The following RXFP1 variants were observed in gnomAD, a reference collection of about 807,000 sequenced individuals.
RXFP1 encodes relaxin family peptide receptor 1, also known as relaxin receptor 1.
In RXFP1, 73 loss-of-function variants were observed where a neutral mutation model predicts 89.8. That is an observed-to-expected ratio of 0.81 (90% CI 0.67 to 0.99). The LOEUF (loss-of-function observed/expected upper bound fraction) is 0.99, where lower values mean the gene tolerates loss of function less well. Among genes scored for constraint, RXFP1 ranks in the 50% least tolerant of loss-of-function variants. The pLI, the probability that RXFP1 is intolerant of heterozygous loss-of-function variation, is 0.00. For missense variants in RXFP1, 793 were observed against 895.5 expected (o/e 0.89, Z 1.46); for synonymous variants, 277 against 305.5 (o/e 0.91, Z 0.97).
chr4:158,559,105 G>A (rs1472416374), intron 1 of RXFP1, among the ~76,000 whole-genome samples: 1 of 152,140 alleles, frequency 6.6e-6, no homozygotes, highest in Non-Finnish European at 1.5e-5. Context: ...AAAGTTATAT[G>A]TGCCTTTACT....
intron 9 of RXFP1, among the ~76,000 whole-genome samples, chr4:158,623,508 A>AAAAAAAAAAAAAAAAAAAG: frequency 6.8e-6 from 1 of 148,006 alleles, no homozygotes; most frequent in Non-Finnish European, 1.5e-5. Flanking sequence ...ATCTCAAAAA[A>AAAAAAAAAAAAAAAAAAAG]AAAAAAAAAA....
chr4:158,624,238 G>A (rs1766253076), intron 9 of RXFP1, among the ~76,000 whole-genome samples: 2 of 152,150 alleles, frequency 1.3e-5, no homozygotes, highest in Non-Finnish European at 2.9e-5. Context: ...AAGAGACCAG[G>A]TGCATATACA....
intron 2 of RXFP1, among the ~76,000 whole-genome samples, chr4:158,592,424 A>C (rs1019051174): frequency 6.6e-6 from 1 of 151,944 alleles, no homozygotes; most frequent in Non-Finnish European, 1.5e-5. Context: ...AAATACAAAA[A>C]TTTGCTAGGC....
At position 158,647,001 on chromosome 4, in the gene RXFP1, G is replaced by C; in HGVS notation, c.1556G>C (p.Arg519Thr). The C allele has an allele frequency of 6.2e-7, 1 of 1,614,052 alleles. No individual in the cohort carries two copies. ...TACATCTGCATTGTCTATCCTTTTA[G>C]ATGTGTGAGACCTGGAAAATGCAGA... ...EKYICIVYPFRCVRPGKCRTI... is the reference protein window; with the variant it reads ...EKYICIVYPFTCVRPGKCRTI... Residue 519 changes from arginine (R) to threonine (T), a missense_variant, in exon 16 of 18, where the codon AGA (arginine) becomes ACA (threonine). Physicochemically the swap from Arg to Thr is moderately conservative, Grantham distance 71. Transcript: ENST00000307765.
intron 1 of RXFP1, among the ~76,000 whole-genome samples, chr4:158,539,691 T>A (rs1178746004): frequency 6.6e-6 from 1 of 152,182 alleles, no homozygotes; most frequent in Non-Finnish European, 1.5e-5. Flanking sequence ...TGGCCCATGG[T>A]GCTTACAATT....
chr4:158,587,853 A>G (rs1758593707), intron 2 of RXFP1, among the ~76,000 whole-genome samples: 1 of 152,202 alleles, frequency 6.6e-6, no homozygotes, highest in Non-Finnish European at 1.5e-5. Flanking sequence ...ACCTAGCACA[A>G]CATGATGGGT....
Position 158,648,571 on chromosome 4 carries a change from C to A in RXFP1, c.1829C>A (p.Ala610Asp). 6.2e-7 allele frequency: 1 copy of A among 1,613,020 alleles called. No individual in the cohort carries two copies. Among genetic ancestry groups the A allele is most frequent in the Non-Finnish European group, 8.5e-7 (1 of 1,179,374 alleles). The change falls in exon 17 of 18, where the codon GCC (alanine) becomes GAC (aspartate). Residue 610 changes from alanine to aspartate, a missense_variant. Ala to Asp is a moderately radical substitution (Grantham distance 126). Coordinates refer to ENST00000307765, the MANE Select transcript of RXFP1 (RefSeq NM_021634.4). ...GSMFYSVHQS[A>D]ITATEIRNQV... is the part of the protein sequence containing the mutation. ...ATGTTTTATAGTGTTCATCAAAGTG[C>A]CATAACAGCAACTGAAATACGGAAT... is the stretch of plus-strand genomic sequence containing the variant.
intron 13 of RXFP1, 110 bp from the exon 14 acceptor site, chr4:158,639,150 G>GT (rs1234098595): frequency 1.6e-6 from 1 of 634,240 alleles, no homozygotes; most frequent in African/African-American, 1.8e-5. Flanking sequence ...TTTGTTCAGA[G>GT]TAAGTGTTAA....
chr4:158,567,221 G>C (rs1435727565), intron 1 of RXFP1, among the ~76,000 whole-genome samples: 1 of 152,076 alleles, frequency 6.6e-6, no homozygotes, highest in South Asian at 2.1e-4. Context: ...GAGCCTCCCC[G>C]ACGACCATGG....
chr4:158,563,079 G>C (rs1752832400), intron 1 of RXFP1, among the ~76,000 whole-genome samples: 1 of 152,192 alleles, frequency 6.6e-6, no homozygotes, highest in Admixed American at 6.5e-5. Context: ...ATCCTTTAAG[G>C]ATATGAGTTT....
chr4:158,538,726 C>T (rs774741846), intron 1 of RXFP1, among the ~76,000 whole-genome samples: 1 of 151,240 alleles, frequency 6.6e-6, no homozygotes, highest in Admixed American at 6.6e-5. Context: ...GGCACTTGAA[C>T]TCGGGAGGCG....
chr4:158,634,474 T>A (rs967339748), intron 12 of RXFP1, among the ~76,000 whole-genome samples: 1 of 152,246 alleles, frequency 6.6e-6, no homozygotes, highest in Non-Finnish European at 1.5e-5. Context: ...TTGTATGGGC[T>A]GCCTTTTCAC....
chr4:158,590,933 C>T (rs1463768362), intron 2 of RXFP1, among the ~76,000 whole-genome samples: 1 of 152,140 alleles, frequency 6.6e-6, no homozygotes. Context: ...TAGTTGCAAG[C>T]CCAAGATCAA....
chr4:158,572,190 T>C (rs1004280017), intron 1 of RXFP1, among the ~76,000 whole-genome samples: 9 of 152,212 alleles, frequency 5.9e-5, no homozygotes, highest in African/African-American at 1.9e-4. Flanking sequence ...TTCTCTCTTC[T>C]TTTTTGTCTA....
intron 1 of RXFP1, among the ~76,000 whole-genome samples, chr4:158,549,431 G>C (rs1749486836): frequency 6.6e-6 from 1 of 152,116 alleles, no homozygotes; most frequent in African/African-American, 2.4e-5. Context: ...CTGATCGTCT[G>C]AAGCCTTCTT....
intron 1 of RXFP1, among the ~76,000 whole-genome samples, chr4:158,532,405 G>A (rs1744281262): frequency 6.6e-6 from 1 of 151,992 alleles, no homozygotes; most frequent in African/African-American, 2.4e-5. Flanking sequence ...ATGAGTGGAG[G>A]TGTCTTTTTG....
intron 1 of RXFP1, among the ~76,000 whole-genome samples, chr4:158,570,420 C>G (rs988384715): frequency 2.6e-5 from 4 of 152,110 alleles, no homozygotes; most frequent in African/African-American, 9.7e-5. Flanking sequence ...GAAATGAAGG[C>G]AAATGAGCTA....
intron 14 of RXFP1, among the ~76,000 whole-genome samples, chr4:158,643,202 C>T (rs1436002244): frequency 1.3e-5 from 2 of 152,164 alleles, no homozygotes; most frequent in African/African-American, 4.8e-5. Context: ...CCAGCATTCA[C>T]CTGTGCAAGC....
chr4:158,628,632 T>C lies in RXFP1; in HGVS notation c.828-6T>C, dbSNP rs751580954. On this transcript the variant is annotated splice_region_variant and splice_polypyrimidine_tract_variant and intron_variant, in intron 10 of 17. Transcript: ENST00000307765. ...AGTTACAATGTATTTTTCTTTTTACTTTCAGAGTGATGAGGAAAAACAAAA... is the reference window on the plus strand; with the variant it reads ...AGTTACAATGTATTTTTCTTTTTACCTTCAGAGTGATGAGGAAAAACAAAA... The C allele has an allele frequency of 6.8e-7, 1 of 1,460,520 alleles. No individual in the cohort carries two copies. The highest frequency in any genetic ancestry group is 9.6e-7 in the Non-Finnish European group (1 of 1,046,692). The allele number at this position is 1,460,520 out of a possible 1,614,324, so 90.5% of individuals were successfully genotyped here.
Sources: gnomAD v4.1 joint callset for allele counts (sites outside exome capture counted in the v4.1 genomes callset) on GRCh38, gnomAD v4.1.1 for gene constraint, MANE v1.5 for transcripts, NCBI Gene and HGNC (gene_info 2026-07-23, HGNC 2026-07-21) for gene names.